The following ANKS1B variants were observed in gnomAD, a reference collection of about 807,000 sequenced individuals.
The protein encoded by ANKS1B is ankyrin repeat and sterile alpha motif domain containing 1B.
In ANKS1B, 36 loss-of-function variants were observed where a neutral mutation model predicts 148.3. The observed-to-expected ratio is 0.24, with a 90% CI of 0.19 to 0.32. ANKS1B has a LOEUF of 0.32. ANKS1B is among the 10% of genes least tolerant of loss of function. The pLI is 1.00. For synonymous variants in ANKS1B, 542 were observed against 560.8 expected (o/e 0.97, Z 0.47); for missense variants, 1,157 against 1,542.6 (o/e 0.75, Z 4.19).
At chr12:99,231,002 AAT>A (rs771017044) in intron 14 of ANKS1B, among the ~76,000 whole-genome samples, 3 of 152,186 alleles carry the variant, frequency 2.0e-5, no homozygotes, top group Non-Finnish European at 2.9e-5. Context: ...TCAAAAATAT[AAT>A]ATGCCTGTTG....
At chr12:98,859,799 G>A (rs1270109616) in intron 17 of ANKS1B, among the ~76,000 whole-genome samples, 1 of 152,142 alleles carries the variant, frequency 6.6e-6, no homozygotes, top group Non-Finnish European at 1.5e-5. Flanking sequence ...AAATGGGAAA[G>A]CTCTCTAAAT....
Position 99,244,043 on chromosome 12 carries a change from C to A in ANKS1B, c.2419+299G>T, listed in dbSNP as rs1034516226. Among the ~76,000 whole-genome samples, 93 of 150,570 alleles carry A rather than the reference C, an allele frequency of 6.2e-4. 4 individuals are homozygous for A. Among genetic ancestry groups the A allele is most frequent in the Non-Finnish European group, 1.5e-5 (1 of 67,678 alleles). ...TAATAAAAAAAAGACTTACAACCAA[C>A]AGAGAGTTTGAAATATATTTAAATT... On this transcript the variant is annotated intron_variant, in intron 14 of 26. Coordinates refer to ENST00000683438, the MANE Select transcript of ANKS1B (RefSeq NM_001352186.2).
At chr12:99,708,953 T>C (rs762699713) in intron 8 of ANKS1B, among the ~76,000 whole-genome samples, 14 of 152,120 alleles carry the variant, frequency 9.2e-5, no homozygotes, top group Non-Finnish European at 1.6e-4. Flanking sequence ...TACAAAGCCA[T>C]CTAAAATACA....
intron 17 of ANKS1B, among the ~76,000 whole-genome samples, chr12:98,990,475 C>T (rs1324046640): frequency 6.7e-6 from 1 of 150,008 alleles, no homozygotes; most frequent in African/African-American, 2.5e-5. Context: ...AATAAATAAC[C>T]TGGCATTAGG....
intron 12 of ANKS1B, among the ~76,000 whole-genome samples, chr12:99,314,968 G>A (rs1268059426): frequency 1.3e-5 from 2 of 152,120 alleles, no homozygotes; most frequent in African/African-American, 4.8e-5. Flanking sequence ...CCATTGGCTG[G>A]GCGTGGTGGC....
At chr12:99,538,988 C>A (rs1596579346) in intron 9 of ANKS1B, among the ~76,000 whole-genome samples, 1 of 152,056 alleles carries the variant, frequency 6.6e-6, no homozygotes, top group Admixed American at 6.6e-5. Flanking sequence ...CAGCATCAAT[C>A]GAAATGGTCA....
chr12:99,293,949 G>T lies in ANKS1B; in HGVS notation c.1757-47085C>A, dbSNP rs141405876. Among the ~76,000 whole-genome samples the T allele has an allele frequency of 9.2e-5, 14 of 152,300 alleles. No homozygotes were observed. In the East Asian group the frequency reaches 1.7e-3, roughly 19 times the overall value. ...ATACTCAACAACACTGATCATCAGA[G>T]AAATGCAGATCAAAACTACAATGAG... On this transcript the variant is annotated intron_variant, in intron 12 of 26. Transcript: ENST00000683438.
chr12:99,687,523 C>G (rs1713227019), intron 8 of ANKS1B, among the ~76,000 whole-genome samples: 1 of 151,764 alleles, frequency 6.6e-6, no homozygotes, highest in Admixed American at 6.6e-5. Flanking sequence ...TTTTTTCAAT[C>G]CTTCTTCTTT....
intron 1 of ANKS1B, among the ~76,000 whole-genome samples, chr12:99,852,551 T>G (rs2088089325): frequency 6.6e-6 from 1 of 151,974 alleles, no homozygotes; most frequent in South Asian, 2.1e-4. Context: ...CCAAGAAAAA[T>G]CAGTCAAGAA....
intron 8 of ANKS1B, among the ~76,000 whole-genome samples, chr12:99,674,734 T>A (rs1369748859): frequency 3.3e-5 from 5 of 151,734 alleles, no homozygotes; most frequent in Non-Finnish European, 7.4e-5. Flanking sequence ...ATTTCTACTA[T>A]AAATAGTAGT....
chr12:99,793,721 C>T (rs1313932036), intron 4 of ANKS1B, among the ~76,000 whole-genome samples: 1 of 151,870 alleles, frequency 6.6e-6, no homozygotes, highest in Non-Finnish European at 1.5e-5. Flanking sequence ...GAAACTGCTA[C>T]CAAAAAACTT....
intron 9 of ANKS1B, among the ~76,000 whole-genome samples, chr12:99,631,440 G>C (rs935247939): frequency 2.0e-5 from 3 of 152,148 alleles, no homozygotes; most frequent in African/African-American, 7.2e-5. Context: ...CCTAGATTCT[G>C]GTGAGGGTTT....
chr12:99,158,726 A>AT (rs2076338820), intron 14 of ANKS1B, among the ~76,000 whole-genome samples: 2 of 152,212 alleles, frequency 1.3e-5, no homozygotes, highest in African/African-American at 4.8e-5. Context: ...AGATTCTGAG[A>AT]TTCTGTAGCA....
intron 8 of ANKS1B, among the ~76,000 whole-genome samples, chr12:99,679,730 A>G (rs1035905018): frequency 3.3e-5 from 5 of 152,242 alleles, no homozygotes; most frequent in African/African-American, 1.2e-4. Context: ...CAGAAGTTAG[A>G]ACACAATAGA....
chr12:99,170,145 T>G (rs2077599519), intron 14 of ANKS1B, among the ~76,000 whole-genome samples: 1 of 152,220 alleles, frequency 6.6e-6, no homozygotes, highest in Admixed American at 6.5e-5. Context: ...TATTTTTATT[T>G]CATGTCAGCA....
intron 14 of ANKS1B, among the ~76,000 whole-genome samples, chr12:99,194,862 T>C (rs1470925781): frequency 6.6e-6 from 1 of 152,202 alleles, no homozygotes; most frequent in South Asian, 2.1e-4. Context: ...ATGCTTGGTA[T>C]AGAAGGAAAT....
chr12:99,574,364 C>A (rs1436504697), intron 9 of ANKS1B, among the ~76,000 whole-genome samples: 1 of 151,816 alleles, frequency 6.6e-6, no homozygotes, highest in Non-Finnish European at 1.5e-5. Context: ...ATAAAATCTT[C>A]AATAGTAAGA....
intron 17 of ANKS1B, among the ~76,000 whole-genome samples, chr12:98,862,155 G>A (rs764562009): frequency 1.3e-5 from 2 of 152,124 alleles, no homozygotes; most frequent in Non-Finnish European, 2.9e-5. Flanking sequence ...AGATTTTGGT[G>A]TGGTTATGCT....
intron 2 of ANKS1B, among the ~76,000 whole-genome samples, chr12:99,812,889 G>A (rs1401484059): frequency 2.6e-5 from 4 of 151,650 alleles, no homozygotes; most frequent in Non-Finnish European, 5.9e-5. Flanking sequence ...TAAGGGGTAT[G>A]TAAAAGAGAA....
Sources: gnomAD v4.1 joint callset for allele counts (sites outside exome capture counted in the v4.1 genomes callset) on GRCh38, gnomAD v4.1.1 for gene constraint, MANE v1.5 for transcripts, NCBI Gene and HGNC (gene_info 2026-07-23, HGNC 2026-07-21) for gene names.